C10orf67: variants seen among roughly 807,000 people sequenced by gnomAD.
The protein encoded by C10orf67 is uncharacterized protein C10orf67, mitochondrial.
A neutral mutation model predicts 35.6 loss-of-function variants in C10orf67; 60 were observed. That is an observed-to-expected ratio of 1.68 (90% CI 1.37 to 2.09). C10orf67 has a LOEUF of 2.09. Ranked by LOEUF, C10orf67 falls within the 30% of genes most tolerant of loss-of-function variation. The probability of loss-of-function intolerance (pLI) is 0.00; values close to 1 mark genes in which losing one functional copy is unlikely to be tolerated. For missense variants in C10orf67, 474 were observed against 330.2 expected (o/e 1.44, Z -3.38); for synonymous variants, 167 against 115.8 (o/e 1.44, Z -2.84).
intron 4 of C10orf67, among the ~76,000 whole-genome samples, chr10:23,316,460 C>A (rs1456565367): frequency 6.6e-6 from 1 of 152,212 alleles, no homozygotes; most frequent in Non-Finnish European, 1.5e-5. Flanking sequence ...TTGTTGCCTG[C>A]AGTGTGGTGA....
intron 13 of C10orf67, among the ~76,000 whole-genome samples, chr10:23,225,691 G>C (rs1372757182): frequency 4.6e-5 from 7 of 151,606 alleles, no homozygotes; most frequent in Non-Finnish European, 1.0e-4. Flanking sequence ...CAAGCAAATG[G>C]AAAACAAAAA....
chr10:23,332,453 T>TGG (rs1343524351), intron 2 of C10orf67, among the ~76,000 whole-genome samples: 1 of 151,914 alleles, frequency 6.6e-6, no homozygotes, highest in Non-Finnish European at 1.5e-5. Flanking sequence ...GAGGCTGAGG[T>TGG]GGGTGGATTG....
chr10:23,250,414 T>C, intron 12 of C10orf67, 41 bp downstream of exon 12: 1 of 398,262 alleles, frequency 2.5e-6, no homozygotes, highest in Non-Finnish European at 4.4e-6. Flanking sequence ...GGATGATTAG[T>C]CATGTTTTTA....
chr10:23,311,545 CTACTAAAAA>C, intron 4 of C10orf67, among the ~76,000 whole-genome samples: 1 of 152,074 alleles, frequency 6.6e-6, no homozygotes, highest in Non-Finnish European at 1.5e-5. Flanking sequence ...AACCCCGTCT[CTACTAAAAA>C]TACAAAATTA....
intron 10 of C10orf67, among the ~76,000 whole-genome samples, chr10:23,252,145 T>C (rs1842471474): frequency 6.6e-6 from 1 of 152,220 alleles, no homozygotes; most frequent in Non-Finnish European, 1.5e-5. Flanking sequence ...TTTTAACTTT[T>C]TTCATTATTT....
chr10:23,312,115 T>C (rs1004476706), intron 4 of C10orf67, among the ~76,000 whole-genome samples: 1 of 152,236 alleles, frequency 6.6e-6, no homozygotes, highest in Non-Finnish European at 1.5e-5. Context: ...ATACATGTTA[T>C]ACTCCTTAAT....
chr10:23,341,728 G>A (rs1845892961), intron 1 of C10orf67, among the ~76,000 whole-genome samples: 1 of 152,078 alleles, frequency 6.6e-6, no homozygotes, highest in Non-Finnish European at 1.5e-5. Context: ...CTGCTCCTAG[G>A]ACATCCAGGC....
intron 14 of C10orf67, 41 bp downstream of exon 14, chr10:23,223,703 T>C (rs1564459857): frequency 2.8e-6 from 2 of 716,886 alleles, no homozygotes; most frequent in Non-Finnish European, 5.2e-6. Context: ...TGAATAATAT[T>C]AACTCAGTAA....
At chr10:23,269,602 G>C (rs112796563) in intron 8 of C10orf67, among the ~76,000 whole-genome samples, 192 of 152,242 alleles carry the variant, frequency 1.3e-3, no homozygotes, top group African/African-American at 4.5e-3. Context: ...GAAATGGCTA[G>C]GATGTATTCA....
At chr10:23,322,640 T>C (rs1845004522) in intron 2 of C10orf67, 103 bp from the exon 3 acceptor site, 4 of 707,934 alleles carry the variant, frequency 5.7e-6, no homozygotes, top group Admixed American at 5.3e-5. Context: ...TGAGAACTCA[T>C]GTGCACAAAG....
At chr10:23,272,501 T>C (rs976817440) in intron 8 of C10orf67, among the ~76,000 whole-genome samples, 9 of 152,254 alleles carry the variant, frequency 5.9e-5, no homozygotes, top group African/African-American at 2.2e-4. Flanking sequence ...TCATTATATA[T>C]GATCCATAAG....
chr10:23,335,508 A>G (rs1319830987), intron 1 of C10orf67, among the ~76,000 whole-genome samples: 2 of 152,222 alleles, frequency 1.3e-5, no homozygotes, highest in African/African-American at 4.8e-5. Flanking sequence ...TACAACAGTA[A>G]GCCCTCAAGA....
chr10:23,265,220 G>A (rs576092100), intron 10 of C10orf67, among the ~76,000 whole-genome samples: 1 of 152,232 alleles, frequency 6.6e-6, no homozygotes. Context: ...TGCTCTACTT[G>A]CTCCCTCCCG....
intron 1 of C10orf67, among the ~76,000 whole-genome samples, chr10:23,336,217 G>C (rs1360488848): frequency 6.6e-6 from 1 of 152,154 alleles, no homozygotes; most frequent in Non-Finnish European, 1.5e-5. Flanking sequence ...TTCTAGGAAA[G>C]ATATTTACAA....
intron 8 of C10orf67, among the ~76,000 whole-genome samples, chr10:23,268,257 T>C (rs1842933228): frequency 6.6e-6 from 1 of 152,202 alleles, no homozygotes; most frequent in African/African-American, 2.4e-5. Context: ...ATTGTGCCAC[T>C]GCACTCCAAC....
intron 15 of C10orf67, among the ~76,000 whole-genome samples, chr10:23,221,676 G>T (rs1414864135): frequency 1.3e-5 from 2 of 152,178 alleles, no homozygotes; most frequent in Non-Finnish European, 2.9e-5. Flanking sequence ...CAGCCTGAAT[G>T]CGTGAAATGC....
At chr10:23,295,078 C>T (rs927202355) in intron 5 of C10orf67, among the ~76,000 whole-genome samples, 3 of 152,190 alleles carry the variant, frequency 2.0e-5, no homozygotes, top group Non-Finnish European at 2.9e-5. Flanking sequence ...AGAGCAGACA[C>T]GTATGCTTTG....
chr10:23,232,992 A>G (rs559598404), intron 13 of C10orf67, among the ~76,000 whole-genome samples: 1 of 152,190 alleles, frequency 6.6e-6, no homozygotes, highest in South Asian at 2.1e-4. Context: ...CTTTGTCTCT[A>G]AAGAATATAA....
intron 5 of C10orf67, among the ~76,000 whole-genome samples, chr10:23,302,864 T>G (rs1038560874): frequency 2.0e-5 from 3 of 152,180 alleles, no homozygotes; most frequent in African/African-American, 7.2e-5. Context: ...GGATTTTTCT[T>G]CTTGATATTT....
Sources: gnomAD v4.1 joint callset for allele counts (sites outside exome capture counted in the v4.1 genomes callset) on GRCh38, gnomAD v4.1.1 for gene constraint, MANE v1.5 for transcripts, NCBI Gene and HGNC (gene_info 2026-07-23, HGNC 2026-07-21) for gene names.